The following WASF2 variants were observed in gnomAD, a reference collection of about 807,000 sequenced individuals.
WASF2 encodes the protein WASP family member 2, also known as actin-binding protein WASF2.
A neutral mutation model predicts 45.0 loss-of-function variants in WASF2; 14 were observed. The ratio of observed to expected loss-of-function variants is 0.31; its 90% CI spans 0.21 to 0.49. The LOEUF is 0.49. Ranked by LOEUF, WASF2 falls within the 20% of genes least tolerant of loss-of-function variation. The pLI, the probability that WASF2 is intolerant of heterozygous loss-of-function variation, is 0.99. For missense variants in WASF2, 439 were observed against 636.1 expected, an observed-to-expected ratio of 0.69 and a Z score of 3.33; for synonymous variants, 200 against 236.3, an observed-to-expected ratio of 0.85 and a Z score of 1.41.
chr1:27,413,827 T>C (rs1454465083), intron 6 of WASF2, among the ~76,000 whole-genome samples: 1 of 152,188 alleles, frequency 6.6e-6, no homozygotes, highest in Non-Finnish European at 1.5e-5. Flanking sequence ...ATGTCCCCCT[T>C]TACTGGGAGG....
chr1:27,472,631 C>T, intron 1 of WASF2, among the ~76,000 whole-genome samples: 1 of 116,020 alleles, frequency 8.6e-6, no homozygotes, highest in Non-Finnish European at 1.6e-5. Flanking sequence ...GCCTGGGTGA[C>T]ACAGTGAAAC....
intron 1 of WASF2, among the ~76,000 whole-genome samples, chr1:27,462,558 GGCCTTCCAAAGA>G (rs2017560601): frequency 6.6e-6 from 1 of 152,098 alleles, no homozygotes; most frequent in Non-Finnish European, 1.5e-5. Context: ...CTCCCATCTT[GGCCTTCCAAAGA>G]GCTGGTATGA....
chr1:27,457,660 G>A (rs997423406), intron 1 of WASF2, among the ~76,000 whole-genome samples: 4 of 147,704 alleles, frequency 2.7e-5, no homozygotes, highest in South Asian at 4.3e-4. Flanking sequence ...TTACTCTGTT[G>A]CCCAGGCTAG....
chr1:27,432,647 CAAAAAAAAAA>C (rs558826790), intron 1 of WASF2, among the ~76,000 whole-genome samples: 2 of 51,384 alleles, frequency 3.9e-5, no homozygotes, highest in Non-Finnish European at 6.3e-5. Flanking sequence ...AACTCTGTCT[CAAAAAAAAAA>C]AAAAAAAAAA....
intron 1 of WASF2, among the ~76,000 whole-genome samples, chr1:27,449,164 G>C (rs1249676529): frequency 6.6e-6 from 1 of 152,142 alleles, no homozygotes; most frequent in Admixed American, 6.5e-5. Flanking sequence ...CGTTGTCCAT[G>C]TCTATACCAT....
At chr1:27,418,237 G>A in intron 4 of WASF2, 32 bp downstream of exon 4, 1 of 1,599,710 alleles carries the variant, frequency 6.3e-7, no homozygotes, top group Non-Finnish European at 8.5e-7. Flanking sequence ...TAAACCATAG[G>A]TTGAAAAAGG....
At chr1:27,473,455 C>CAAAAAAA (rs752426888) in intron 1 of WASF2, among the ~76,000 whole-genome samples, 1 of 49,740 alleles carries the variant, frequency 2.0e-5, no homozygotes. Context: ...ACTCCATGGC[C>CAAAAAAA]AAAAAAAAAA....
chr1:27,471,603 G>A (rs1036801348), intron 1 of WASF2, among the ~76,000 whole-genome samples: 1 of 152,050 alleles, frequency 6.6e-6, no homozygotes, highest in Non-Finnish European at 1.5e-5. Context: ...ACTGCAGCCT[G>A]GCCAACAGCG....
chr1:27,450,231 T>C (rs1378108691), intron 1 of WASF2, among the ~76,000 whole-genome samples: 1 of 151,998 alleles, frequency 6.6e-6, no homozygotes, highest in Non-Finnish European at 1.5e-5. Flanking sequence ...ACCTCAAAGC[T>C]CTTACTCCCT....
At chr1:27,425,119 G>T (rs892404151) in intron 2 of WASF2, among the ~76,000 whole-genome samples, 1 of 152,086 alleles carries the variant, frequency 6.6e-6, no homozygotes, top group Non-Finnish European at 1.5e-5. Flanking sequence ...TTGAGACAAG[G>T]TCTCGCCCTG....
Position 27,409,860 on chromosome 1 carries a change from G to A in WASF2, c.1171C>T (p.Pro391Ser), listed in dbSNP as rs187961403. 1.6e-4 allele frequency: 245 copies of A among 1,553,504 alleles called. 1 individual carries two copies. Among genetic ancestry groups the A allele is most frequent in the Non-Finnish European group, 1.2e-4 (141 of 1,145,878 alleles). The part of the protein sequence containing the change: ...PPLSQPTGGA[P>S]PPPPPPPPPG... ...GGAGGAGGAGGAGGGGGAGGAGGAG[G>A]TGCTCCTCCTGTTGGCTGGGACAAG... The change falls in exon 8 of 9, where the codon CCT becomes TCT. Residue 391 changes from proline (P) to serine (S), a missense_variant. Pro to Ser is a moderately conservative substitution (Grantham distance 74). This residue lies in a region of WASF2 where 286 missense variants were observed against 373.5 expected (regional missense o/e 0.77). Transcript: ENST00000618852.
rs41291108 is a variant in WASF2, at chr1:27,409,679, C to T, written c.1339+13G>A. 1.9e-3 allele frequency: 2,806 copies of T among 1,490,274 alleles called. 7 individuals carry two copies. The highest frequency in any genetic ancestry group is 2.2e-3 in the Non-Finnish European group (2,497 of 1,119,420). 92.3% of individuals were successfully genotyped at this position (1,490,274 alleles called of 1,614,324 possible). A position where few individuals can be genotyped will look rare whatever the true frequency, so the allele number is the denominator to read the frequency against. On this transcript the variant is annotated intron_variant, in intron 8 of 8. Transcript: ENST00000618852. ...CAAGGCTCCACAGTCCCAAACCCACCATTGAAATTTACCTTGACGGATGGC... is the reference window on the plus strand; with the variant it reads ...CAAGGCTCCACAGTCCCAAACCCACTATTGAAATTTACCTTGACGGATGGC...
intron 1 of WASF2, among the ~76,000 whole-genome samples, 197 bp from the exon 2 acceptor site, chr1:27,429,130 A>T (rs1325918723): frequency 1.5e-5 from 2 of 131,508 alleles, no homozygotes; most frequent in Non-Finnish European, 3.2e-5. Context: ...GTTTGCTATT[A>T]GAAGATCTGC....
intron 1 of WASF2, among the ~76,000 whole-genome samples, chr1:27,442,017 G>T (rs2017244135): frequency 1.3e-5 from 2 of 148,908 alleles, no homozygotes; most frequent in Non-Finnish European, 1.5e-5. Flanking sequence ...GAGGCAAGAG[G>T]ATCCTTTAAG....
chr1:27,414,992 T>C lies in WASF2; in HGVS notation c.538-29A>G. ...TAATGAAAAGGAACAGGAAGGTCTT[T>C]GTAGAACATTTTCCAAGTTCTTCAT... On this transcript the variant is annotated intron_variant, in intron 5 of 8. Transcript: ENST00000618852. This position sits in a 1 kb window ranked among gnomAD's most constrained non-coding sequence, Gnocchi z 4.1. The C allele has an allele frequency of 6.2e-7, 1 of 1,608,822 alleles. No individual in the cohort carries two copies. The highest frequency in any genetic ancestry group is 1.3e-5 in the African/African-American group (1 of 74,600).
chr1:27,486,002 A>G (rs7527229), intron 1 of WASF2, among the ~76,000 whole-genome samples: 27,366 of 152,172 alleles, frequency 0.18, 3,538 homozygotes, highest in East Asian at 0.38. Context: ...GAGCCACCGC[A>G]CCTGGCCTAT....
At chr1:27,469,667 C>T (rs1336843013) in intron 1 of WASF2, among the ~76,000 whole-genome samples, 2 of 152,144 alleles carry the variant, frequency 1.3e-5, no homozygotes, top group Non-Finnish European at 2.9e-5. Flanking sequence ...GTTGACCAAG[C>T]GCAGTGGCTC....
In WASF2 at chr1:27,465,104, G is replaced by A. The variant is rs902702239; in HGVS notation, c.-44+24882C>T. Reference sequence around the variant, plus strand: ...TTCTGACTGGCTGAGACTGCCAGATGTCTGACTTTCAGATGCTGTTCCTCT... The same window carrying A: ...TTCTGACTGGCTGAGACTGCCAGATATCTGACTTTCAGATGCTGTTCCTCT... On this transcript the variant is annotated intron_variant, in intron 1 of 8. Transcript: ENST00000618852. Among the ~76,000 whole-genome samples the A allele has an allele frequency of 3.9e-5, 6 of 152,208 alleles. No individual in the cohort carries two copies. In the South Asian group the frequency reaches 1.2e-3, roughly 32 times the overall value.
chr1:27,472,216 A>G (rs1021800320), intron 1 of WASF2, among the ~76,000 whole-genome samples: 1 of 151,498 alleles, frequency 6.6e-6, no homozygotes, highest in African/African-American at 2.4e-5. Context: ...CTGTAATCCC[A>G]TCTACTCGAG....
Sources: allele counts gnomAD v4.1 joint callset (sites outside exome capture counted in the v4.1 genomes callset), GRCh38; gene constraint gnomAD v4.1.1; regional missense constraint gnomAD v4.1.1; non-coding constraint Gnocchi (gnomAD v3.1); transcripts MANE v1.5; gene names NCBI Gene and HGNC (gene_info 2026-07-23, HGNC 2026-07-21).